Variants in WWOX observed in about 807,000 individuals in gnomAD.
WWOX encodes the protein WW domain-containing oxidoreductase.
A neutral mutation model predicts 46.2 loss-of-function variants in WWOX; 69 were observed. The observed-to-expected ratio is 1.49, with a 90% CI of 1.23 to 1.82. The LOEUF (loss-of-function observed/expected upper bound fraction) is 1.82, where lower values mean the gene tolerates loss of function less well. WWOX is among the 40% of genes most tolerant of loss of function. The pLI is 0.00. For synonymous variants in WWOX, 359 were observed against 202.6 expected (o/e 1.77, Z -6.56); for missense variants, 919 against 542.6 (o/e 1.69, Z -6.89).
At position 78,797,358 on chromosome 16, in the gene WWOX, TAAAAAAA is replaced by T. The variant is rs57291441; in HGVS notation, c.1056+364622_1056+364628del. Among the ~76,000 whole-genome samples, 149 of 116,612 alleles carry T rather than the reference TAAAAAAA, an allele frequency of 1.3e-3. 1 individual carries two copies. Among genetic ancestry groups the T allele is most frequent in the African/African-American group, 4.6e-3 (122 of 26,318 alleles). 76.5% of individuals were successfully genotyped at this position (116,612 alleles called of 152,430 possible). On this transcript the variant is annotated intron_variant, in intron 8 of 8. Coordinates refer to ENST00000566780, the MANE Select transcript of WWOX (RefSeq NM_016373.4). ...TATGCAATTTTAAGGGTCAAAGTGGTAAAAAAAAAAAAAAAAAAAAAAGGAAAATCAA... is the reference window on the plus strand; with the variant it reads ...TATGCAATTTTAAGGGTCAAAGTGGTAAAAAAAAAAAAAAAGGAAAATCAA...
intron 8 of WWOX, among the ~76,000 whole-genome samples, chr16:78,751,232 T>G (rs1040851640): frequency 4.6e-5 from 7 of 151,876 alleles, no homozygotes; most frequent in Non-Finnish European, 8.8e-5. Flanking sequence ...TATCAGAAAT[T>G]AGTTAGAAGA....
intron 8 of WWOX, among the ~76,000 whole-genome samples, chr16:79,104,055 T>TGG (rs2049259118): frequency 7.8e-4 from 13 of 16,586 alleles, no homozygotes; most frequent in South Asian, 3.6e-3. Context: ...GGGGGGCGGG[T>TGG]GGTGGGGGTA....
intron 8 of WWOX, among the ~76,000 whole-genome samples, chr16:79,060,845 A>G (rs188016608): frequency 1.3e-5 from 2 of 152,234 alleles, no homozygotes; most frequent in African/African-American, 2.4e-5. Context: ...CAATAATTTT[A>G]TTGAAATGAA....
intron 8 of WWOX, among the ~76,000 whole-genome samples, chr16:79,154,349 A>C (rs1156750214): frequency 1.3e-5 from 2 of 152,170 alleles, no homozygotes; most frequent in Non-Finnish European, 2.9e-5. Context: ...TGTCCTAGAC[A>C]CCAGTTCTCT....
intron 8 of WWOX, among the ~76,000 whole-genome samples, chr16:78,846,244 C>T (rs1228166170): frequency 6.6e-6 from 1 of 152,212 alleles, no homozygotes; most frequent in Admixed American, 6.5e-5. Context: ...TAACATGATA[C>T]ATTTTTCAGC....
chr16:78,791,325 C>T (rs2550594), intron 8 of WWOX, among the ~76,000 whole-genome samples: 2 of 151,908 alleles, frequency 1.3e-5, no homozygotes, highest in Admixed American at 1.3e-4. Flanking sequence ...GATCTGGACT[C>T]AACGGCAGTC....
intron 8 of WWOX, among the ~76,000 whole-genome samples, chr16:78,879,504 A>G (rs76469021): frequency 6.8e-6 from 1 of 146,134 alleles, no homozygotes; most frequent in Non-Finnish European, 1.5e-5. Flanking sequence ...TCCACTCTCA[A>G]AAAAAAAAAA....
intron 8 of WWOX, among the ~76,000 whole-genome samples, chr16:78,625,938 T>C (rs1022169354): frequency 8.6e-5 from 13 of 151,478 alleles, no homozygotes; most frequent in African/African-American, 2.9e-4. Flanking sequence ...TTTGCATTAC[T>C]TAAAAGTAAT....
At chr16:78,934,383 C>A (rs554828549) in intron 8 of WWOX, among the ~76,000 whole-genome samples, 1 of 146,168 alleles carries the variant, frequency 6.8e-6, no homozygotes, top group Non-Finnish European at 1.5e-5. Context: ...GTGGTGCATA[C>A]CTGTAGTCCT....
chr16:78,597,044 C>G (rs755277434), intron 8 of WWOX, among the ~76,000 whole-genome samples: 10 of 152,198 alleles, frequency 6.6e-5, no homozygotes, highest in African/African-American at 1.9e-4. Flanking sequence ...TGCTGCTCCC[C>G]TACCCTCTTC....
In WWOX at chr16:78,732,975, C is replaced by G. The variant is rs56312647; in HGVS notation, c.1056+300223C>G. On this transcript the variant is annotated intron_variant, in intron 8 of 8. Transcript: ENST00000566780. ...AGCTCGAGTGGATGGCTCTTTATTT[C>G]CTTCTCGTCTTTTCTTTTCTAGTCT... 7.1e-3 allele frequency among the ~76,000 whole-genome samples: 1,075 copies of G among 152,242 alleles called. 8 individuals carry two copies. The highest frequency in any genetic ancestry group is 0.024 in the African/African-American group (1,010 of 41,532).
intron 8 of WWOX, among the ~76,000 whole-genome samples, chr16:79,171,092 C>G (rs946503015): frequency 6.6e-6 from 1 of 152,162 alleles, no homozygotes. Flanking sequence ...TATTTGCTGA[C>G]CCAGTGCTAG....
intron 8 of WWOX, among the ~76,000 whole-genome samples, chr16:78,805,505 G>A (rs557671184): frequency 1.4e-4 from 21 of 151,876 alleles, no homozygotes; most frequent in East Asian, 3.9e-4. Flanking sequence ...GGATGGTCTC[G>A]ATTTCCTGAC....
intron 5 of WWOX, among the ~76,000 whole-genome samples, chr16:78,294,034 A>T (rs2079903089): frequency 6.7e-6 from 1 of 149,402 alleles, no homozygotes; most frequent in South Asian, 2.1e-4. Context: ...GGTGATTCAC[A>T]GGCCTCTTCG....
chr16:78,690,776 T>G (rs2047967399), intron 8 of WWOX, among the ~76,000 whole-genome samples: 1 of 152,208 alleles, frequency 6.6e-6, no homozygotes, highest in African/African-American at 2.4e-5. Flanking sequence ...GCACTGCCAG[T>G]GATTCTATAT....
intron 6 of WWOX, among the ~76,000 whole-genome samples, 168 bp from the exon 7 acceptor site, chr16:78,424,702 C>T (rs1169153043): frequency 6.6e-6 from 1 of 152,164 alleles, no homozygotes; most frequent in Non-Finnish European, 1.5e-5. Flanking sequence ...CCTATTTCTA[C>T]ATGGTGGGAA....
intron 8 of WWOX, among the ~76,000 whole-genome samples, chr16:79,161,196 AAAAATATGAC>A (rs1180169849): frequency 1.3e-5 from 2 of 152,324 alleles, no homozygotes; most frequent in East Asian, 3.9e-4. Flanking sequence ...TATATTTGGT[AAAAATATGAC>A]ATGACATTTG....
In WWOX at chr16:78,613,565, T is replaced by C. The variant is rs193194113; in HGVS notation, c.1056+180813T>C. Among the ~76,000 whole-genome samples, 4 of 152,302 alleles carry C rather than the reference T, an allele frequency of 2.6e-5. No individual in the cohort carries two copies. The East Asian group carries it at 7.7e-4, about 29-fold the overall frequency. The stretch of plus-strand genomic sequence containing the variant: ...CAAATTATCTGATGGAATTGACCCA[T>C]AGTGGGTGTTCTCCACTGGTTCAAC... On this transcript the variant is annotated intron_variant, in intron 8 of 8. Coordinates refer to ENST00000566780, the MANE Select transcript of WWOX (RefSeq NM_016373.4).
chr16:78,174,936 C>T (rs898966090), intron 5 of WWOX, among the ~76,000 whole-genome samples: 11 of 151,404 alleles, frequency 7.3e-5, no homozygotes, highest in Admixed American at 4.6e-4. Flanking sequence ...TGCAGTGAGC[C>T]GAGATCAGGC....
Sources: gnomAD v4.1 joint callset for allele counts (sites outside exome capture counted in the v4.1 genomes callset) on GRCh38, gnomAD v4.1.1 for gene constraint, MANE v1.5 for transcripts, NCBI Gene and HGNC (gene_info 2026-07-23, HGNC 2026-07-21) for gene names.